Variants in FILIP1 observed in about 807,000 individuals in gnomAD.
The protein encoded by FILIP1 is filamin-A-interacting protein 1.
A neutral mutation model predicts 102.1 loss-of-function variants in FILIP1; 61 were observed. The observed-to-expected ratio is 0.60, with a 90% confidence interval of 0.49 to 0.74. The LOEUF (loss-of-function observed/expected upper bound fraction) is 0.74. Among genes scored for constraint, FILIP1 ranks in the 30% least tolerant of loss-of-function variants. FILIP1 has a pLI of 0.00. For missense variants in FILIP1, 1,314 were observed against 1,441.2 expected (o/e 0.91, Z 1.43); for synonymous variants, 491 against 526.9 (o/e 0.93, Z 0.93).
At chr6:75,441,750 G>A (rs1346495613) in intron 1 of FILIP1, among the ~76,000 whole-genome samples, 2 of 147,552 alleles carry the variant, frequency 1.4e-5, no homozygotes, top group African/African-American at 5.1e-5. Context: ...GGCTGGCCGG[G>A]CAGAGGGGCT....
chr6:75,381,842 T>C (rs1368087952), intron 2 of FILIP1, among the ~76,000 whole-genome samples: 3 of 152,220 alleles, frequency 2.0e-5, no homozygotes, highest in Admixed American at 1.3e-4. Context: ...TTAATTCCAA[T>C]TCTATAGATG....
At chr6:75,456,074 C>T (rs1778818374) in intron 1 of FILIP1, among the ~76,000 whole-genome samples, 1 of 152,196 alleles carries the variant, frequency 6.6e-6, no homozygotes, top group African/African-American at 2.4e-5. Context: ...CTAGGCCCTA[C>T]TCAAGTGATA....
At chr6:75,345,631 C>A (rs1435994810) in intron 4 of FILIP1, among the ~76,000 whole-genome samples, 1 of 152,132 alleles carries the variant, frequency 6.6e-6, no homozygotes, top group African/African-American at 2.4e-5. Context: ...AAACGTCACA[C>A]CTGGTCAAAC....
intron 2 of FILIP1, among the ~76,000 whole-genome samples, chr6:75,396,392 C>T (rs776289810): frequency 1.5e-4 from 23 of 152,052 alleles, no homozygotes; most frequent in Middle Eastern, 6.9e-3. Flanking sequence ...ACCATGTGAG[C>T]GGTGGTGAGG....
chr6:75,308,908 G>GA lies in FILIP1; in HGVS notation c.3436-12dup, dbSNP rs761289137. ...CCCGTCTTGTCCTGACTGTAAGAGAGAAAATACGTAGATACAAGGGAGATG... is the reference window on the plus strand; with the variant it reads ...CCCGTCTTGTCCTGACTGTAAGAGAGAAAAATACGTAGATACAAGGGAGATG... On this transcript the variant is annotated splice_polypyrimidine_tract_variant and intron_variant, in intron 5 of 5. Transcript: ENST00000237172. 661 of 1,613,422 alleles carry GA rather than the reference G, an allele frequency of 4.1e-4. 2 individuals are homozygous for GA. The highest frequency in any genetic ancestry group is 5.4e-4 in the Non-Finnish European group (635 of 1,179,684).
In FILIP1 at chr6:75,375,260, CG is replaced by C. The variant is rs1775713784; in HGVS notation, c.277-12344del. Among the ~76,000 whole-genome samples the C allele has an allele frequency of 3.3e-5, 5 of 152,296 alleles. No individual in the cohort carries two copies. In the South Asian group the frequency reaches 1.0e-3, roughly 32 times the overall value. ...AAAGCACCACAGCTTCAGCAGTAAG[CG>C]GGGAAGGTGGGGAAGAGTAGCCCTG... On this transcript the variant is annotated intron_variant, in intron 2 of 5. Coordinates refer to ENST00000237172, the MANE Select transcript of FILIP1 (RefSeq NM_015687.5).
intron 1 of FILIP1, among the ~76,000 whole-genome samples, chr6:75,442,213 G>T (rs1015069345): frequency 6.6e-6 from 1 of 151,672 alleles, no homozygotes; most frequent in South Asian, 2.1e-4. Flanking sequence ...GGGAAGAGGC[G>T]CTCCTCACTT....
At chr6:75,452,208 TTTAAC>T (rs2149736755) in intron 1 of FILIP1, among the ~76,000 whole-genome samples, 1 of 152,122 alleles carries the variant, frequency 6.6e-6, no homozygotes, top group South Asian at 2.1e-4. Flanking sequence ...TGCTGTACCC[TTTAAC>T]TTATCATTTA....
intron 1 of FILIP1, among the ~76,000 whole-genome samples, chr6:75,425,082 A>T (rs1777586842): frequency 1.3e-5 from 2 of 152,206 alleles, no homozygotes; most frequent in South Asian, 4.1e-4. Context: ...AAATCAAAGC[A>T]TATACAGCCT....
chr6:75,450,150 T>C (rs903029133), intron 1 of FILIP1, among the ~76,000 whole-genome samples: 1 of 151,992 alleles, frequency 6.6e-6, no homozygotes, highest in Admixed American at 6.6e-5. Context: ...GCCAAGGAAG[T>C]GGCCCGGGCG....
At chr6:75,383,695 C>T (rs1439929083) in intron 2 of FILIP1, among the ~76,000 whole-genome samples, 1 of 152,142 alleles carries the variant, frequency 6.6e-6, no homozygotes, top group Non-Finnish European at 1.5e-5. Context: ...AGCACTTAGA[C>T]AAGTAATGGA....
chr6:75,419,829 G>T (rs151141573), intron 1 of FILIP1, among the ~76,000 whole-genome samples: 1 of 152,138 alleles, frequency 6.6e-6, no homozygotes, highest in East Asian at 1.9e-4. Flanking sequence ...CCCAACTCAC[G>T]AAATGTTCAA....
Position 75,414,809 on chromosome 6 carries a change from A to T in FILIP1, c.164T>A (p.Val55Asp). The T allele has an allele frequency of 2.5e-6, 4 of 1,613,904 alleles. No individual in the cohort carries two copies. The highest frequency in any genetic ancestry group is 3.4e-6 in the Non-Finnish European group (4 of 1,179,862). Residue 55 changes from valine (V) to aspartate (D), a missense_variant, in exon 2 of 6, where the codon GTC becomes GAC. Coordinates refer to ENST00000237172, the MANE Select transcript of FILIP1 (RefSeq NM_015687.5). The part of the protein sequence containing the change: ...KEDDVMASGT[V>D]KRHLKTSGEC... The stretch of plus-strand genomic sequence containing the variant: ...TCCAGATGTTTTTAGGTGTCGTTTG[A>T]CAGTTCCTGAGGCCATGACATCATC...
intron 1 of FILIP1, chr6:75,465,414 T>G: frequency 3.2e-6 from 2 of 624,030 alleles, no homozygotes; most frequent in East Asian, 6.4e-5. Context: ...CTAGCTCCAA[T>G]GAAGTGGTGG....
At chr6:75,406,879 C>T (rs1384618416) in intron 2 of FILIP1, among the ~76,000 whole-genome samples, 6 of 152,020 alleles carry the variant, frequency 3.9e-5, no homozygotes, top group Admixed American at 6.6e-5. Flanking sequence ...AGGCTGGTCC[C>T]GAACTCCTGA....
intron 6 of FILIP1, among the ~76,000 whole-genome samples, chr6:75,299,007 CA>C (rs57998783): frequency 0.3 from 42,001 of 141,680 alleles, 6,155 homozygotes; most frequent in East Asian, 0.45. Flanking sequence ...ATGTTGCCAG[CA>C]AAAAAAAAAA....
intron 2 of FILIP1, among the ~76,000 whole-genome samples, chr6:75,411,947 G>A (rs528703883): frequency 6.6e-6 from 1 of 152,210 alleles, no homozygotes; most frequent in African/African-American, 2.4e-5. Flanking sequence ...TTCTAATTCT[G>A]TGGAGAAAGT....
chr6:75,365,089 T>A (rs1195165127), intron 2 of FILIP1, among the ~76,000 whole-genome samples: 2 of 152,220 alleles, frequency 1.3e-5, no homozygotes, highest in South Asian at 2.1e-4. Context: ...TGTCTCTTTC[T>A]CATCTTTAAA....
At chr6:75,369,485 C>T (rs1775446040) in intron 2 of FILIP1, among the ~76,000 whole-genome samples, 1 of 152,140 alleles carries the variant, frequency 6.6e-6, no homozygotes, top group South Asian at 2.1e-4. Context: ...CATGTTTCCA[C>T]AACTTAGCTT....
Sources: allele counts gnomAD v4.1 joint callset (sites outside exome capture counted in the v4.1 genomes callset), GRCh38; gene constraint gnomAD v4.1.1; transcripts MANE v1.5; gene names NCBI Gene and HGNC (gene_info 2026-07-23, HGNC 2026-07-21).